Variants in TAX1BP1 observed in about 807,000 individuals in gnomAD.
The protein encoded by TAX1BP1 is Tax1 binding protein 1, also known as tax1-binding protein 1.
In TAX1BP1, 62 loss-of-function variants were observed where a neutral mutation model predicts 97.7. The ratio of observed to expected loss-of-function variants is 0.63; its 90% CI spans 0.52 to 0.78. The LOEUF (loss-of-function observed/expected upper bound fraction) is 0.78. Ranked by LOEUF, TAX1BP1 falls within the 30% of genes least tolerant of loss-of-function variation. The probability of loss-of-function intolerance (pLI) is 0.00; values close to 1 mark genes in which losing one functional copy is unlikely to be tolerated. For missense variants in TAX1BP1, 867 were observed against 916.1 expected (o/e 0.95, Z 0.69); for synonymous variants, 340 against 304.2 (o/e 1.12, Z -1.23).
chr7:27,823,710 A>G (rs1352523479), intron 15 of TAX1BP1, among the ~76,000 whole-genome samples: 1 of 152,314 alleles, frequency 6.6e-6, no homozygotes, highest in South Asian at 2.1e-4. Context: ...ACTGCTGTGC[A>G]GCCAATCTCT....
chr7:27,798,515 T>C (rs935875598), intron 12 of TAX1BP1, among the ~76,000 whole-genome samples: 3 of 151,812 alleles, frequency 2.0e-5, no homozygotes, highest in African/African-American at 7.3e-5. Context: ...AATACAAAAA[T>C]TAGCTGGGCA....
intron 2 of TAX1BP1, among the ~76,000 whole-genome samples, chr7:27,751,725 T>C (rs1351650852): frequency 2.6e-5 from 4 of 152,048 alleles, no homozygotes; most frequent in African/African-American, 9.7e-5. Flanking sequence ...TGGGTAGCAA[T>C]TGTAAGGGAG....
intron 3 of TAX1BP1, among the ~76,000 whole-genome samples, chr7:27,758,797 G>T (rs538638287): frequency 1.1e-4 from 16 of 152,188 alleles, no homozygotes; most frequent in African/African-American, 2.6e-4. Flanking sequence ...GGGCATTCAG[G>T]TTCCCTCAAG....
At chr7:27,788,459 A>G (rs1789575701) in intron 8 of TAX1BP1, among the ~76,000 whole-genome samples, 1 of 152,016 alleles carries the variant, frequency 6.6e-6, no homozygotes, top group African/African-American at 2.4e-5. Flanking sequence ...CCTCACCTGC[A>G]TCAGCTATTA....
intron 8 of TAX1BP1, among the ~76,000 whole-genome samples, chr7:27,791,761 C>T (rs182504330): frequency 8.3e-4 from 126 of 152,196 alleles, no homozygotes; most frequent in Admixed American, 3.5e-3. Flanking sequence ...TTGCCTGACT[C>T]GCTGTACTTT....
At chr7:27,748,714 C>T (rs565973202) in intron 2 of TAX1BP1, 28 bp downstream of exon 2, 1 of 1,453,622 alleles carries the variant, frequency 6.9e-7, no homozygotes, top group Admixed American at 2.2e-5. Flanking sequence ...ATATGTTCTC[C>T]ATGTAAACAC....
chr7:27,759,023 TCA>T (rs1415564128), intron 3 of TAX1BP1, among the ~76,000 whole-genome samples: 1 of 151,964 alleles, frequency 6.6e-6, no homozygotes, highest in African/African-American at 2.4e-5. Flanking sequence ...CAGAGATCTA[TCA>T]CAGAATTTGC....
chr7:27,761,372 T>C (rs1357157693), intron 3 of TAX1BP1, among the ~76,000 whole-genome samples: 2 of 152,198 alleles, frequency 1.3e-5, no homozygotes, highest in African/African-American at 2.4e-5. Flanking sequence ...GGGTTCACTG[T>C]GTGATGTAAA....
At chr7:27,793,332 A>G (rs949831947) in intron 10 of TAX1BP1, 120 bp downstream of exon 10, 6 of 919,632 alleles carry the variant, frequency 6.5e-6, no homozygotes, top group African/African-American at 3.5e-5. Context: ...CTTGATTTCA[A>G]GTCATTGGCC....
chr7:27,801,242 ATTT>A (rs33986454), intron 13 of TAX1BP1, among the ~76,000 whole-genome samples: 1 of 145,914 alleles, frequency 6.9e-6, no homozygotes. Flanking sequence ...TATAATTTAC[ATTT>A]TTTTTTTTTT....
intron 1 of TAX1BP1, among the ~76,000 whole-genome samples, chr7:27,746,224 AAT>A (rs1308188590): frequency 1.3e-5 from 2 of 152,294 alleles, no homozygotes; most frequent in Non-Finnish European, 2.9e-5. Context: ...CTTCTTACTG[AAT>A]ATCTTTCTTA....
chr7:27,796,061 G>A, intron 11 of TAX1BP1, 55 bp from the exon 12 acceptor site: 2 of 1,347,676 alleles, frequency 1.5e-6, no homozygotes, highest in East Asian at 2.3e-5. Flanking sequence ...TGAACAGGAA[G>A]ATAATATAAG....
At chr7:27,811,348 C>A (rs1790552188) in intron 13 of TAX1BP1, among the ~76,000 whole-genome samples, 1 of 152,158 alleles carries the variant, frequency 6.6e-6, no homozygotes, top group Admixed American at 6.5e-5. Flanking sequence ...TCCTGCATCT[C>A]TTATCAAACC....
At chr7:27,765,771 A>G (rs1260358306) in intron 3 of TAX1BP1, 63 bp from the exon 4 acceptor site, 8 of 1,422,816 alleles carry the variant, frequency 5.6e-6, no homozygotes, top group Non-Finnish European at 7.8e-6. Context: ...GTATTGTTAA[A>G]TTGAAATAAC....
In TAX1BP1 at chr7:27,794,426, T is replaced by G; in HGVS notation, c.1514T>G (p.Val505Gly). The change falls in exon 11 of 17, where the codon GTA (valine) becomes GGA (glycine). Residue 505 changes from valine (V) to glycine (G), a missense_variant. Coordinates refer to ENST00000396319, the MANE Select transcript of TAX1BP1 (RefSeq NM_006024.7). ...DPATSASTVD[V>G]KPSPSAAEAD... ...GCCACTTCTGCCTCTACTGTAGATG[T>G]AAAGCCATCACCTTCTGCAGGTAAA... The G allele has an allele frequency of 6.2e-7, 1 of 1,609,352 alleles. No individual in the cohort carries two copies. Among genetic ancestry groups the G allele is most frequent in the Non-Finnish European group, 8.5e-7 (1 of 1,177,830 alleles).
Position 27,785,318 on chromosome 7 carries a change from C to T in TAX1BP1, c.761+7C>T. The T allele has an allele frequency of 1.9e-6, 3 of 1,594,640 alleles. No individual in the cohort carries two copies. Among genetic ancestry groups the T allele is most frequent in the African/African-American group, 2.7e-5 (2 of 73,528 alleles). On this transcript the variant is annotated splice_region_variant and intron_variant, in intron 6 of 16. Coordinates refer to ENST00000396319, the MANE Select transcript of TAX1BP1 (RefSeq NM_006024.7). ...AAGAAACCGAATTAGACAGGTATTT[C>T]TCATGCTTTTAAAAAATAAATTCAA...
At chr7:27,806,921 TG>T (rs1413223443) in intron 13 of TAX1BP1, among the ~76,000 whole-genome samples, 1 of 152,188 alleles carries the variant, frequency 6.6e-6, no homozygotes, top group Non-Finnish European at 1.5e-5. Context: ...ATCTGTTTTG[TG>T]TCTTTCAGGA....
chr7:27,796,800 G>T (rs768635742), intron 12 of TAX1BP1, among the ~76,000 whole-genome samples: 13 of 151,920 alleles, frequency 8.6e-5, no homozygotes, highest in South Asian at 4.2e-4. Context: ...GGCGGAGGTT[G>T]CAGTGAGCCG....
At chr7:27,774,011 A>G (rs2299105) in intron 5 of TAX1BP1, among the ~76,000 whole-genome samples, 3,638 of 152,248 alleles carry the variant, frequency 0.024, 73 homozygotes, top group East Asian at 0.082. Flanking sequence ...ATTTGAGAAT[A>G]TTAAAGTAAT....
Sources: allele counts gnomAD v4.1 joint callset (sites outside exome capture counted in the v4.1 genomes callset), GRCh38; gene constraint gnomAD v4.1.1; transcripts MANE v1.5; gene names NCBI Gene and HGNC (gene_info 2026-07-23, HGNC 2026-07-21).